The following FBXO47 variants were observed in gnomAD, a reference collection of about 807,000 sequenced individuals.
The protein encoded by FBXO47 is F-box protein 47.
In FBXO47, 34 loss-of-function variants were observed where a neutral mutation model predicts 53.9. The ratio of observed to expected loss-of-function variants is 0.63; its 90% CI spans 0.48 to 0.84. FBXO47 has a LOEUF of 0.84. FBXO47 is among the 40% of genes least tolerant of loss of function. The pLI is 0.00. For synonymous variants in FBXO47, 165 were observed against 181.6 expected, an observed-to-expected ratio of 0.91 and a Z score of 0.73; for missense variants, 485 against 541.3, an observed-to-expected ratio of 0.90 and a Z score of 1.03.
chr17:38,961,920 G>C lies in FBXO47; in HGVS notation c.309C>G (p.Asp103Glu), dbSNP rs1209786627. Reference protein sequence around the residue: ...LQDFHNLELPDRRQDSAILEH... With the variant: ...LQDFHNLELPERRQDSAILEH... The stretch of plus-strand genomic sequence containing the variant: ...CCAGTATAGCAGAGTCTTGTCTCCT[G>C]TCAGGCAGCTCAAGGTTATGAAAGT... The change falls in exon 3 of 11, where the codon GAC (aspartate) becomes GAG (glutamate). Residue 103 changes from aspartate (D) to glutamate (E), a missense_variant. Asp to Glu is a conservative substitution (Grantham distance 45). Coordinates refer to ENST00000378079, the MANE Select transcript of FBXO47 (RefSeq NM_001008777.3). The C allele has an allele frequency of 6.2e-7, 1 of 1,613,898 alleles. No individual in the cohort carries two copies. Among genetic ancestry groups the C allele is most frequent in the Admixed American group, 1.7e-5 (1 of 59,954 alleles).
At chr17:38,942,201 A>T (rs1272778362) in intron 9 of FBXO47, among the ~76,000 whole-genome samples, 2 of 152,046 alleles carry the variant, frequency 1.3e-5, no homozygotes, top group Admixed American at 1.3e-4. Context: ...TTTTTTTTTA[A>T]AAAGAATATA....
At chr17:38,954,814 T>C in intron 5 of FBXO47, 42 bp downstream of exon 5, 1 of 1,186,136 alleles carries the variant, frequency 8.4e-7, no homozygotes, top group Non-Finnish European at 1.2e-6. Flanking sequence ...TGTTATCAGT[T>C]CCAAAGGTAT....
At chr17:38,944,315 C>G (rs1442007819) in intron 7 of FBXO47, among the ~76,000 whole-genome samples, 1 of 151,240 alleles carries the variant, frequency 6.6e-6, no homozygotes, top group Non-Finnish European at 1.5e-5. Flanking sequence ...CACTTGAGCC[C>G]AAGAGGTTGA....
intron 8 of FBXO47, 107 bp from the exon 9 acceptor site, chr17:38,943,027 G>T: frequency 9.7e-7 from 1 of 1,029,092 alleles, no homozygotes; most frequent in Non-Finnish European, 1.4e-6. Context: ...TACAATTAGT[G>T]CCAAGGGAAA....
chr17:38,948,079 A>G (rs1366934124), intron 6 of FBXO47, among the ~76,000 whole-genome samples: 2 of 151,702 alleles, frequency 1.3e-5, no homozygotes, highest in African/African-American at 4.8e-5. Context: ...ATTTTAGAAC[A>G]TTTTCATCAC....
Position 38,938,719 on chromosome 17 carries a change from T to TC in FBXO47, c.1096dup (p.Glu366GlyfsTer10). 1.3e-6 allele frequency: 2 copies of TC among 1,590,918 alleles called. No homozygotes were observed. ...AACTGTCCAATCCATGCAGTACAGTTCTTTCTCACACACCTGATTTAGACA... is the reference window on the plus strand; with the variant it reads ...AACTGTCCAATCCATGCAGTACAGTTCCTTTCTCACACACCTGATTTAGACA... On this transcript the variant is annotated frameshift_variant, in exon 10 of 11. Coordinates refer to ENST00000378079, the MANE Select transcript of FBXO47 (RefSeq NM_001008777.3). LOFTEE classifies it high-confidence loss of function.
intron 3 of FBXO47, among the ~76,000 whole-genome samples, chr17:38,959,115 A>G (rs1196631142): frequency 6.6e-6 from 1 of 151,662 alleles, no homozygotes; most frequent in African/African-American, 2.4e-5. Flanking sequence ...ATTTTTAAGG[A>G]TTACAACTTA....
intron 6 of FBXO47, among the ~76,000 whole-genome samples, chr17:38,947,370 G>A (rs975551320): frequency 2.6e-5 from 4 of 152,086 alleles, no homozygotes; most frequent in African/African-American, 9.6e-5. Flanking sequence ...TGTCACCCAA[G>A]CTGGAGTGCA....
At chr17:38,963,144 G>T in intron 1 of FBXO47, 93 bp from the exon 2 acceptor site, 1 of 729,152 alleles carries the variant, frequency 1.4e-6, no homozygotes, top group South Asian at 1.9e-5. Context: ...TTGATAGTAC[G>T]ATATGCAATA....
At chr17:38,949,664 C>G (rs1905135602) in intron 6 of FBXO47, among the ~76,000 whole-genome samples, 1 of 152,138 alleles carries the variant, frequency 6.6e-6, no homozygotes, top group South Asian at 2.1e-4. Flanking sequence ...GTCACATTCT[C>G]ACTAACACTT....
At chr17:38,962,803 C>A in intron 2 of FBXO47, 42 bp downstream of exon 2, 1 of 1,419,548 alleles carries the variant, frequency 7.0e-7, no homozygotes. Flanking sequence ...TTAAAATACT[C>A]TAGTGTCTTG....
At position 38,938,715 on chromosome 17, in the gene FBXO47, C is replaced by CA; in HGVS notation, c.1100dup (p.Tyr368ValfsTer8). The CA allele has an allele frequency of 6.3e-7, 1 of 1,594,802 alleles. No homozygotes were observed. The highest frequency in any genetic ancestry group is 8.6e-7 in the Non-Finnish European group (1 of 1,165,170). The stretch of plus-strand genomic sequence containing the variant: ...TTTTAACTGTCCAATCCATGCAGTA[C>CA]AGTTCTTTCTCACACACCTGATTTA... On this transcript the variant is annotated frameshift_variant, in exon 10 of 11. Coordinates refer to ENST00000378079, the MANE Select transcript of FBXO47 (RefSeq NM_001008777.3). LOFTEE classifies it high-confidence loss of function.
At chr17:38,951,249 T>C (rs7223303) in intron 6 of FBXO47, among the ~76,000 whole-genome samples, 4,994 of 151,980 alleles carry the variant, frequency 0.033, 244 homozygotes, top group African/African-American at 0.099. Context: ...AGGTTGAGTG[T>C]GGTGGTGCGA....
intron 4 of FBXO47, among the ~76,000 whole-genome samples, chr17:38,956,200 A>G (rs570357647): frequency 1.3e-5 from 2 of 152,226 alleles, no homozygotes; most frequent in South Asian, 2.1e-4. Context: ...GATTCAGCAT[A>G]CAGAGCGGTT....
At chr17:38,941,642 A>ATATATATATATATATATATATG (rs924192946) in intron 9 of FBXO47, among the ~76,000 whole-genome samples, 3 of 144,230 alleles carry the variant, frequency 2.1e-5, no homozygotes, top group African/African-American at 7.7e-5. Flanking sequence ...ATATATATAT[A>ATATATATATATATATATATATG]TATGTATGTG....
At position 38,937,124 on chromosome 17, in the gene FBXO47, C is replaced by A; in HGVS notation, c.*51G>T. 1.3e-6 allele frequency: 1 copy of A among 754,278 alleles called. No homozygotes were observed. Among genetic ancestry groups the A allele is most frequent in the Non-Finnish European group, 2.2e-6 (1 of 453,098 alleles). The allele number at this position is 754,278 out of a possible 1,614,324, so 46.7% of individuals were successfully genotyped here. A position where few individuals can be genotyped will look rare whatever the true frequency, so the allele number is the denominator to read the frequency against. ...TTTTTTGAGTGAAAAAGTAGCACTC[C>A]TCTAATCATTCGTTCAGTGACGTTC... On this transcript the variant is annotated 3_prime_UTR_variant, in exon 11 of 11. Coordinates refer to ENST00000378079, the MANE Select transcript of FBXO47 (RefSeq NM_001008777.3).
chr17:38,940,206 A>C (rs975497308), intron 9 of FBXO47, among the ~76,000 whole-genome samples: 5 of 152,054 alleles, frequency 3.3e-5, no homozygotes, highest in African/African-American at 1.2e-4. Context: ...TACTCCACAC[A>C]TACAGTGGCT....
intron 4 of FBXO47, among the ~76,000 whole-genome samples, chr17:38,956,591 C>CAAAAAAAAAAA (rs1158036745): frequency 1.8e-5 from 1 of 55,946 alleles, no homozygotes. Context: ...TCTGTCTCAA[C>CAAAAAAAAAAA]AAAAAAAAAA....
chr17:38,949,803 T>C (rs1205382174), intron 6 of FBXO47, among the ~76,000 whole-genome samples: 2 of 152,200 alleles, frequency 1.3e-5, no homozygotes, highest in East Asian at 3.8e-4. Context: ...AGAGCAGTCA[T>C]GGCTCACTGC....
Sources: gnomAD v4.1 joint callset for allele counts (sites outside exome capture counted in the v4.1 genomes callset) on GRCh38, gnomAD v4.1.1 for gene constraint, MANE v1.5 for transcripts, NCBI Gene and HGNC (gene_info 2026-07-23, HGNC 2026-07-21) for gene names.